Variants in PNPLA8 observed in about 807,000 individuals in gnomAD.
PNPLA8 encodes patatin like domain 8, phospholipase A2, also known as calcium-independent phospholipase A2-gamma.
PNPLA8 carries 39 observed loss-of-function variants against 76.9 expected under a neutral mutation model. That is an observed-to-expected ratio of 0.51 (90% CI 0.39 to 0.66). The LOEUF (loss-of-function observed/expected upper bound fraction) is 0.66. Among genes scored for constraint, PNPLA8 ranks in the 30% least tolerant of loss-of-function variants. The pLI, the probability that PNPLA8 is intolerant of heterozygous loss-of-function variation, is 0.00. For synonymous variants in PNPLA8, 301 were observed against 307.9 expected, an observed-to-expected ratio of 0.98 and a Z score of 0.24; for missense variants, 887 against 918.0, an observed-to-expected ratio of 0.97 and a Z score of 0.44.
At chr7:108,502,688 C>A in intron 4 of PNPLA8, 46 bp from the exon 5 acceptor site, 1 of 1,428,682 alleles carries the variant, frequency 7.0e-7, no homozygotes, top group Admixed American at 1.8e-5. Flanking sequence ...CAAATCAAGA[C>A]TGAAAATGTA....
At chr7:108,485,686 A>G (rs371031523) in intron 9 of PNPLA8, among the ~76,000 whole-genome samples, 2 of 152,124 alleles carry the variant, frequency 1.3e-5, no homozygotes, top group East Asian at 3.8e-4. Context: ...AACCAAGATC[A>G]TTCACACCTT....
rs753096427 is a variant in PNPLA8, at chr7:108,491,412, T to C, written c.1681A>G (p.Lys561Glu). 1.3e-6 allele frequency: 2 copies of C among 1,594,280 alleles called. No individual in the cohort carries two copies. The highest frequency in any genetic ancestry group is 3.3e-5 in the Admixed American group (2 of 59,988). ...IETARNPTCP[K>E]VAAVSTIVNR... is the part of the protein sequence containing the mutation. ...TATTTAAGAGACTCTAAGCTTACCT[T>C]AGGACATGTGGGGTTTCTTGCTGTT... Residue 561 changes from lysine to glutamate, a missense_variant and splice_region_variant, in exon 8 of 11, where the codon AAG (lysine) becomes GAG (glutamate). By Grantham distance (56) the Lys-to-Glu change is moderately conservative. Coordinates refer to ENST00000257694, the MANE Select transcript of PNPLA8 (RefSeq NM_001256007.3).
Position 108,479,291 on chromosome 7 carries a change from A to C in PNPLA8, c.1967T>G (p.Val656Gly). 6.2e-7 allele frequency: 1 copy of C among 1,608,964 alleles called. No individual in the cohort carries two copies. Among genetic ancestry groups the C allele is most frequent in the Non-Finnish European group, 8.5e-7 (1 of 1,175,226 alleles). Reference protein sequence around the residue: ...LWPDVPLECIVSLGTGRYESD... With the variant: ...LWPDVPLECIGSLGTGRYESD... The stretch of plus-strand genomic sequence containing the variant: ...CTCATAACGTCCAGTGCCCAGGGAT[A>C]CTATGCACTCTAACGGCACATCTGG... The change falls in exon 10 of 11, where the codon GTA becomes GGA. Residue 656 changes from valine (V) to glycine (G), a missense_variant. By Grantham distance (109) the Val-to-Gly change is moderately radical. Coordinates refer to ENST00000257694, the MANE Select transcript of PNPLA8 (RefSeq NM_001256007.3).
intron 2 of PNPLA8, among the ~76,000 whole-genome samples, chr7:108,518,758 TACAC>T (rs149337584): frequency 1.1e-4 from 14 of 123,068 alleles, no homozygotes; most frequent in African/African-American, 3.4e-4. Context: ...TATATATATA[TACAC>T]ACACACACAC....
intron 1 of PNPLA8, among the ~76,000 whole-genome samples, chr7:108,523,358 A>ATC: frequency 2.6e-5 from 4 of 152,180 alleles, no homozygotes; most frequent in African/African-American, 9.7e-5. Context: ...TCCAGAGGGA[A>ATC]AGCTCCTTAT....
At chr7:108,517,353 T>C (rs1290045246) in intron 2 of PNPLA8, among the ~76,000 whole-genome samples, 1 of 152,226 alleles carries the variant, frequency 6.6e-6, no homozygotes, top group Non-Finnish European at 1.5e-5. Context: ...CGGTAGCTTC[T>C]TACAAAATTA....
Position 108,511,086 on chromosome 7 carries a change from A to G in PNPLA8, c.1206+3058T>C, listed in dbSNP as rs1862897322. 5 of 668,108 alleles carry G rather than the reference A, an allele frequency of 7.5e-6. No individual in the cohort carries two copies. The East Asian group carries it at 8.3e-5, about 11-fold the overall frequency. The allele number at this position is 668,108 out of a possible 1,614,324, so 41.4% of individuals were successfully genotyped here. On this transcript the variant is annotated intron_variant, in intron 4 of 10. Transcript: ENST00000257694. ...AAAACTGGTAACTAAATACAAATAA[A>G]TTAAGCATTTCTCTTTCCTTTCCTG...
intron 10 of PNPLA8, among the ~76,000 whole-genome samples, chr7:108,476,068 T>C (rs968134108): frequency 6.6e-6 from 1 of 152,232 alleles, no homozygotes; most frequent in African/African-American, 2.4e-5. Flanking sequence ...ATAGTCTTAA[T>C]CACTTACAAT....
chr7:108,499,216 A>G (rs1217130569), intron 5 of PNPLA8, among the ~76,000 whole-genome samples: 1 of 152,214 alleles, frequency 6.6e-6, no homozygotes, highest in African/African-American at 2.4e-5. Flanking sequence ...AAATCAAAAT[A>G]CTAAAATAAT....
intron 4 of PNPLA8, among the ~76,000 whole-genome samples, chr7:108,507,175 G>A (rs925774251): frequency 2.1e-4 from 31 of 151,200 alleles, no homozygotes; most frequent in African/African-American, 2.2e-4. Flanking sequence ...AAACCCCATC[G>A]CTACTAAAGA....
chr7:108,489,997 T>C (rs926301612), intron 8 of PNPLA8, among the ~76,000 whole-genome samples: 1 of 152,256 alleles, frequency 6.6e-6, no homozygotes, highest in African/African-American at 2.4e-5. Context: ...TGCATATCAA[T>C]GTTTTGGTCA....
rs761621799 is a variant in PNPLA8, at chr7:108,496,577, AACTT to A, written c.1625+3_1625+6del. ...CAGAAGATTTAAAAAGAGTAATTGTAACTTACTTAAGAATGTTTTCCCATGTTTG... is the reference window on the plus strand; with the variant it reads ...CAGAAGATTTAAAAAGAGTAATTGTAACTTAAGAATGTTTTCCCATGTTTG... On this transcript the variant is annotated splice_donor_5th_base_variant and intron_variant, in intron 7 of 10. Coordinates refer to ENST00000257694, the MANE Select transcript of PNPLA8 (RefSeq NM_001256007.3). 1 of 1,565,302 alleles carries A rather than the reference AACTT, an allele frequency of 6.4e-7. No individual in the cohort carries two copies. Among genetic ancestry groups the A allele is most frequent in the Non-Finnish European group, 8.7e-7 (1 of 1,150,034 alleles).
chr7:108,499,222 A>G (rs1016281764), intron 5 of PNPLA8, among the ~76,000 whole-genome samples: 2 of 152,194 alleles, frequency 1.3e-5, no homozygotes, highest in African/African-American at 2.4e-5. Flanking sequence ...AAATACTAAA[A>G]TAATCTTAAG....
At chr7:108,516,519 T>C (rs975842684) in intron 2 of PNPLA8, among the ~76,000 whole-genome samples, 3 of 152,154 alleles carry the variant, frequency 2.0e-5, no homozygotes, top group Non-Finnish European at 4.4e-5. Flanking sequence ...GGAGAAAACT[T>C]AGATGACCTT....
At chr7:108,526,351 T>TGTGCGTGCGTGC (rs10530839), upstream of PNPLA8, 1 of 153,112 alleles carries the variant, frequency 6.5e-6, no homozygotes, top group Admixed American at 6.6e-5. Flanking sequence ...GACAGACGTG[T>TGTGCGTGCGTGC]GTGCGTGCGT....
intron 5 of PNPLA8, among the ~76,000 whole-genome samples, chr7:108,500,187 C>T (rs1485195002): frequency 6.6e-6 from 1 of 152,188 alleles, no homozygotes; most frequent in Non-Finnish European, 1.5e-5. Context: ...ATGAATGACA[C>T]TACCTGTCCC....
Position 108,514,763 on chromosome 7 carries a change from C to G in PNPLA8, c.729G>C (p.Glu243Asp), listed in dbSNP as rs1420735574. The change falls in exon 3 of 11, where the codon GAG becomes GAC. Residue 243 changes from glutamate to aspartate, a missense_variant. By Grantham distance (45) the Glu-to-Asp change is conservative (BLOSUM62 2). Coordinates refer to ENST00000257694, the MANE Select transcript of PNPLA8 (RefSeq NM_001256007.3). ...KSELEDKKVE[E>D]GKLRSPDPGI... ...CAGGATCTGGAGATCTTAATTTCCC[C>G]TCTTCTACCTTTTTATCTTCAAGTT... is the stretch of plus-strand genomic sequence containing the variant. The G allele has an allele frequency of 6.2e-7, 1 of 1,613,144 alleles. No homozygotes were observed.
At chr7:108,480,467 T>C (rs80166529) in intron 9 of PNPLA8, among the ~76,000 whole-genome samples, 2,718 of 152,284 alleles carry the variant, frequency 0.018, 91 homozygotes, top group African/African-American at 0.061. Context: ...TCAGCTCCCA[T>C]CCATGCCAGT....
rs1411173859 is a variant in PNPLA8 at position 108,484,906 on chromosome 7, A to G, written c.1878+2853T>C. 7.2e-5 allele frequency among the ~76,000 whole-genome samples: 11 copies of G among 152,322 alleles called. No individual in the cohort carries two copies. In the East Asian group the frequency reaches 2.1e-3, roughly 29 times the overall value. On this transcript the variant is annotated intron_variant, in intron 9 of 10. Coordinates refer to ENST00000257694, the MANE Select transcript of PNPLA8 (RefSeq NM_001256007.3). ...GTAAGCACTCACTACATTTCTGTCC[A>G]GTTATAATGAAAATTATTAATTGTG...
Sources: allele counts gnomAD v4.1 joint callset (sites outside exome capture counted in the v4.1 genomes callset), GRCh38; gene constraint gnomAD v4.1.1; transcripts MANE v1.5; gene names NCBI Gene and HGNC (gene_info 2026-07-23, HGNC 2026-07-21).